The following KCNC4 variants were observed in gnomAD, a reference collection of about 807,000 sequenced individuals.
The protein encoded by KCNC4 is voltage-gated potassium channel KCNC4.
In KCNC4, 23 loss-of-function variants were observed where a neutral mutation model predicts 42.8. The ratio of observed to expected loss-of-function variants is 0.54; its 90% CI spans 0.39 to 0.76. The LOEUF is 0.76. Among genes scored for constraint, KCNC4 ranks in the 30% least tolerant of loss-of-function variants. The pLI is 0.00. For synonymous variants in KCNC4, 422 were observed against 393.5 expected, an observed-to-expected ratio of 1.07 and a Z score of -0.86; for missense variants, 751 against 898.2, an observed-to-expected ratio of 0.84 and a Z score of 2.10.
downstream of KCNC4, chr1:110,237,585 TC>T (rs762808076): frequency 2.0e-5 from 3 of 152,262 alleles, no homozygotes; most frequent in Non-Finnish European, 2.9e-5. Context: ...GGGAAGTATT[TC>T]TGCTCGGCGT....
chr1:110,257,422 A>C (rs551495299), intron 1 of KCNC4, among the ~76,000 whole-genome samples: 1 of 152,190 alleles, frequency 6.6e-6, no homozygotes, highest in African/African-American at 2.4e-5. Context: ...GCAAAAAAAA[A>C]AAAAGTCCAG....
chr1:110,217,046 C>T (rs980772178), intron 1 of KCNC4, among the ~76,000 whole-genome samples: 1 of 152,198 alleles, frequency 6.6e-6, no homozygotes, highest in African/African-American at 2.4e-5. Flanking sequence ...TTACTGCGTA[C>T]TTACCATACA....
chr1:110,222,724 T>TCCAG, intron 1 of KCNC4: 1 of 524,326 alleles, frequency 1.9e-6, no homozygotes, highest in Non-Finnish European at 3.4e-6. Flanking sequence ...GACCAGTGTT[T>TCCAG]CCAGCCAAGA....
intron 1 of KCNC4, chr1:110,220,053 G>T (rs1196312440): frequency 2.0e-5 from 3 of 152,212 alleles, no homozygotes; most frequent in Non-Finnish European, 4.4e-5. Context: ...AGGAGGAGGG[G>T]ATTATACCTA....
In KCNC4 at chr1:110,213,170, T is replaced by TAA. The variant is rs760587471; in HGVS notation, c.678+1019_678+1020dup. Among the ~76,000 whole-genome samples, 274 of 50,836 alleles carry TAA rather than the reference T, an allele frequency of 5.4e-3. 19 individuals are homozygous for TAA. The highest frequency in any genetic ancestry group is 0.013 in the African/African-American group (153 of 11,398). 33.4% of individuals were successfully genotyped at this position (50,836 alleles called of 152,430 possible). A position where few individuals can be genotyped will look rare whatever the true frequency, so the allele number is the denominator to read the frequency against. ...GCTTCCCCCATTATGCTTCGACAGC[T>TAA]AAAAAAAAAAAAAAAAAAAAAAAAA... On this transcript the variant is annotated intron_variant, in intron 1 of 3. Coordinates refer to ENST00000438661, the MANE Select transcript of KCNC4 (RefSeq NM_001039574.3).
intron 1 of KCNC4, among the ~76,000 whole-genome samples, chr1:110,265,071 G>A (rs1191309590): frequency 1.6e-5 from 2 of 124,324 alleles, no homozygotes; most frequent in Non-Finnish European, 3.2e-5. Flanking sequence ...ACAGAACCAA[G>A]ACTCTGTCTC....
At position 110,223,882 on chromosome 1, in the gene KCNC4, A is replaced by T; in HGVS notation, c.1597A>T (p.Ile533Phe). ...TSPPAREEGM[I>F]ERKRADSKQN... Reference sequence around the variant, plus strand: ...CCCCCCTGCCCGGGAAGAGGGTATGATCGAGAGGAAACGGGCAGGTGAGAT... The same window carrying T: ...CCCCCCTGCCCGGGAAGAGGGTATGTTCGAGAGGAAACGGGCAGGTGAGAT... The change falls in exon 2 of 4, where the codon ATC becomes TTC. Residue 533 changes from isoleucine (I) to phenylalanine (F), a missense_variant. Physicochemically the swap from Ile to Phe is conservative, Grantham distance 21. Transcript: ENST00000438661. This position sits in a 1 kb window ranked among gnomAD's most constrained non-coding sequence, Gnocchi z 7.5. The T allele has an allele frequency of 6.3e-7, 1 of 1,597,118 alleles. No individual in the cohort carries two copies. The highest frequency in any genetic ancestry group is 8.5e-7 in the Non-Finnish European group (1 of 1,169,638).
At chr1:110,229,384 C>T (rs986273367) in intron 3 of KCNC4, among the ~76,000 whole-genome samples, 4 of 152,102 alleles carry the variant, frequency 2.6e-5, no homozygotes, top group Non-Finnish European at 5.9e-5. Flanking sequence ...GCTGCCTAGG[C>T]GAGGGAGGCC....
At chr1:110,222,536 T>C (rs1658156398) in intron 1 of KCNC4, 2 of 181,312 alleles carry the variant, frequency 1.1e-5, no homozygotes, top group East Asian at 1.3e-4. Flanking sequence ...CTGTGGTGCA[T>C]GGACAGAGCC....
In KCNC4 at chr1:110,211,714, G is replaced by C. The variant is rs1461072390; in HGVS notation, c.215G>C (p.Gly72Ala). ...TGGCTGGCCGACCCCGACGGCGGGG[G>C]CCGGCCCGAGACCGATGGCGGCGGT... ...LAWLADPDGG[G>A]RPETDGGGVG... The change falls in exon 1 of 4, where the codon GGC becomes GCC. Residue 72 changes from glycine (G) to alanine (A), a missense_variant. This residue lies in a region of KCNC4 where 183 missense variants were observed against 255.8 expected (regional missense o/e 0.72). Transcript: ENST00000438661. This position sits in a 1 kb window ranked among gnomAD's most constrained non-coding sequence, Gnocchi z 6.5. 2 of 1,608,104 alleles carry C rather than the reference G, an allele frequency of 1.2e-6. No individual in the cohort carries two copies. Among genetic ancestry groups the C allele is most frequent in the Non-Finnish European group, 1.7e-6 (2 of 1,177,392 alleles).
At position 110,239,857 on chromosome 1, in the gene KCNC4, T is replaced by C. The variant is rs1658991429; in HGVS notation, c.*7548T>C. The C allele has an allele frequency of 2.0e-5, 3 of 152,236 alleles. No individual in the cohort carries two copies. In the South Asian group the frequency reaches 6.2e-4, roughly 32 times the overall value. 9.4% of individuals were successfully genotyped at this position (152,236 alleles called of 1,614,324 possible). A position where few individuals can be genotyped will look rare whatever the true frequency, so the allele number is the denominator to read the frequency against. On this transcript the variant is annotated 3_prime_UTR_variant, in exon 4 of 4. Transcript: ENST00000369787. ...CTACCATTTTCTACCTGGTACTTTTTGGTACTTGTCAAATTCCCCTTCCCA... is the reference window on the plus strand; with the variant it reads ...CTACCATTTTCTACCTGGTACTTTTCGGTACTTGTCAAATTCCCCTTCCCA...
At chr1:110,277,131 C>T (rs1370272193) in intron 1 of KCNC4, among the ~76,000 whole-genome samples, 1 of 152,228 alleles carries the variant, frequency 6.6e-6, no homozygotes, top group Non-Finnish European at 1.5e-5. Flanking sequence ...GGGACTTAGG[C>T]TTACTTGATA....
At chr1:110,262,875 A>C (rs1049598800) in intron 1 of KCNC4, among the ~76,000 whole-genome samples, 25 of 152,270 alleles carry the variant, frequency 1.6e-4, no homozygotes, top group Admixed American at 3.3e-4. Flanking sequence ...ATTTGTCGTG[A>C]TGAGGACGTC....
chr1:110,250,788 G>T (rs1295259054), downstream of KCNC4, among the ~76,000 whole-genome samples: 1 of 152,148 alleles, frequency 6.6e-6, no homozygotes, highest in African/African-American at 2.4e-5. Flanking sequence ...TCTGCTAGGA[G>T]AGGCCCTGGG....
At position 110,269,931 on chromosome 1, in the gene KCNC4, G is replaced by A. The variant is rs538380387; in HGVS notation, n.31-12603G>A. Among the ~76,000 whole-genome samples, 4 of 152,234 alleles carry A rather than the reference G, an allele frequency of 2.6e-5. No individual in the cohort carries two copies. In the East Asian group the frequency reaches 7.7e-4, roughly 29 times the overall value. ...CACTTTTGTGATCTATTTTTGTGCT[G>A]CTTTTTCTCAAGTGGCAGTCCTAGA... is the stretch of plus-strand genomic sequence containing the variant. On this transcript the variant is annotated intron_variant and non_coding_transcript_variant, in intron 1 of 2. Transcript: ENST00000412512.
Position 110,233,406 on chromosome 1 carries a change from C to A in KCNC4, c.*434C>A, listed in dbSNP as rs550365077. Reference sequence around the variant, plus strand: ...AGTCCAGCTGGGTAGTCCCAGGCTCCTGTCTTGGGGATGTTTCCCCTGTCA... The same window carrying A: ...AGTCCAGCTGGGTAGTCCCAGGCTCATGTCTTGGGGATGTTTCCCCTGTCA... On this transcript the variant is annotated 3_prime_UTR_variant, in exon 4 of 4. Transcript: ENST00000438661. 4.4e-6 allele frequency: 1 copy of A among 228,546 alleles called. No individual in the cohort carries two copies. Among genetic ancestry groups the A allele is most frequent in the East Asian group, 1.2e-4 (1 of 8,518 alleles). 14.2% of individuals were successfully genotyped at this position (228,546 alleles called of 1,614,324 possible). A position where few individuals can be genotyped will look rare whatever the true frequency, so the allele number is the denominator to read the frequency against.
rs143207479 is a variant in KCNC4 at position 110,258,426 on chromosome 1, C to T, written n.31-24108C>T. On this transcript the variant is annotated intron_variant and non_coding_transcript_variant, in intron 1 of 2. Transcript: ENST00000412512. ...CTAATCTTTGTACTTTTAGTAGAGA[C>T]GAGGTTTCACCACATTGGCCAGGAT... Among the ~76,000 whole-genome samples the T allele has an allele frequency of 8.0e-3, 1,212 of 152,182 alleles. 39 individuals carry two copies. Among genetic ancestry groups the T allele is most frequent in the East Asian group, 0.057 (297 of 5,182 alleles).
chr1:110,271,096 A>G (rs1160887096), intron 1 of KCNC4, among the ~76,000 whole-genome samples: 1 of 152,192 alleles, frequency 6.6e-6, no homozygotes, highest in African/African-American at 2.4e-5. Flanking sequence ...AAGGCATGCA[A>G]TTCTCCTTGT....
chr1:110,254,807 T>G (rs1371177358), intron 1 of KCNC4, among the ~76,000 whole-genome samples: 7 of 152,182 alleles, frequency 4.6e-5, no homozygotes, highest in Non-Finnish European at 7.4e-5. Flanking sequence ...CCTGAGCACA[T>G]ACTTTGCAGA....
Sources: allele counts gnomAD v4.1 joint callset (sites outside exome capture counted in the v4.1 genomes callset), GRCh38; gene constraint gnomAD v4.1.1; regional missense constraint gnomAD v4.1.1; non-coding constraint Gnocchi (gnomAD v3.1); transcripts MANE v1.5; gene names NCBI Gene and HGNC (gene_info 2026-07-23, HGNC 2026-07-21).